HAUS4: variants seen among roughly 807,000 people sequenced by gnomAD.
HAUS4 encodes HAUS augmin like complex subunit 4.
Under a neutral mutation model 50.6 loss-of-function variants are expected in HAUS4, and 34 were observed. That is an observed-to-expected ratio of 0.67 (90% CI 0.51 to 0.90). HAUS4 has a LOEUF of 0.90. HAUS4 is among the 40% of genes least tolerant of loss of function. HAUS4 has a pLI of 0.00. For missense variants in HAUS4, 370 were observed against 428.7 expected, an observed-to-expected ratio of 0.86 and a Z score of 1.21; for synonymous variants, 149 against 161.4, an observed-to-expected ratio of 0.92 and a Z score of 0.58.
At chr14:22,956,494 C>A (rs188190888) in intron 1 of HAUS4, among the ~76,000 whole-genome samples, 2 of 151,706 alleles carry the variant, frequency 1.3e-5, no homozygotes, top group East Asian at 3.9e-4. Context: ...GTTCGTCCCC[C>A]CCTAGGGTAA....
At chr14:22,956,462 C>A (rs971241410) in intron 1 of HAUS4, among the ~76,000 whole-genome samples, 1 of 152,148 alleles carries the variant, frequency 6.6e-6, no homozygotes, top group Non-Finnish European at 1.5e-5. Flanking sequence ...TGAAGACCAA[C>A]CCAAATTCCA....
intron 2 of HAUS4, 41 bp downstream of exon 2, chr14:22,955,059 C>T: frequency 7.0e-7 from 1 of 1,425,564 alleles, no homozygotes. Context: ...TAAGACCTCT[C>T]TGGATAAATC....
intron 6 of HAUS4, among the ~76,000 whole-genome samples, chr14:22,948,639 A>C (rs919326002): frequency 2.4e-4 from 37 of 151,564 alleles, no homozygotes; most frequent in Non-Finnish European, 4.9e-4. Flanking sequence ...AGGTTCAACC[A>C]ATTCTCCTGC....
At position 22,948,776 on chromosome 14, in the gene HAUS4, C is replaced by T. The variant is rs867437200; in HGVS notation, c.563-763G>A. Among the ~76,000 whole-genome samples, 3 of 152,168 alleles carry T rather than the reference C, an allele frequency of 2.0e-5. 1 individual carries two copies. In the Middle Eastern group the frequency reaches 0.01, roughly 518 times the overall value. ...GGTCTCGAACGCCTGACCTCATGAT[C>T]CACCTGCCTCGGCCTCCCAAAGTGA... On this transcript the variant is annotated intron_variant, in intron 6 of 9. Coordinates refer to ENST00000541587, the MANE Select transcript of HAUS4 (RefSeq NM_001166269.2).
At chr14:22,956,492 C>G (rs1060865) in intron 1 of HAUS4, among the ~76,000 whole-genome samples, 1 of 151,704 alleles carries the variant, frequency 6.6e-6, no homozygotes, top group Admixed American at 6.5e-5. Flanking sequence ...CTGTTCGTCC[C>G]CCCCTAGGGT....
chr14:22,949,835 G>A (rs576373635), intron 6 of HAUS4, among the ~76,000 whole-genome samples: 56 of 151,872 alleles, frequency 3.7e-4, no homozygotes, highest in Non-Finnish European at 7.5e-4. Flanking sequence ...TCCTTACAAA[G>A]GTCCTTGTTT....
At chr14:22,946,780 AC>A (rs1016136738) in intron 9 of HAUS4, 72 bp from the exon 10 acceptor site, 3 of 1,013,256 alleles carry the variant, frequency 3.0e-6, no homozygotes, top group Non-Finnish European at 4.1e-6. Context: ...AAAATGAAAA[AC>A]TTTTTTTTTT....
In HAUS4 at chr14:22,951,705, T is replaced by C; in HGVS notation, c.331-16A>G. The stretch of plus-strand genomic sequence containing the variant: ...TCTCATGAAACTGAGAGAGAGAGAA[T>C]AAAAAACAAAAAGAGGCAACTATAA... On this transcript the variant is annotated splice_polypyrimidine_tract_variant and intron_variant, in intron 4 of 9. Coordinates refer to ENST00000541587, the MANE Select transcript of HAUS4 (RefSeq NM_001166269.2). The C allele has an allele frequency of 1.3e-6, 2 of 1,575,446 alleles. No individual in the cohort carries two copies. The highest frequency in any genetic ancestry group is 1.7e-6 in the Non-Finnish European group (2 of 1,163,208).
intron 8 of HAUS4, 146 bp from the exon 9 acceptor site, chr14:22,947,385 A>G (rs577011565): frequency 5.4e-6 from 4 of 736,666 alleles, no homozygotes; most frequent in Non-Finnish European, 9.4e-6. Flanking sequence ...CGAGCAATTG[A>G]TCTCACAGTA....
chr14:22,954,413 G>A (rs1317228619), intron 2 of HAUS4: 1 of 152,192 alleles, frequency 6.6e-6, no homozygotes, highest in African/African-American at 2.4e-5. Context: ...AAGGATCTGA[G>A]ATATGGAAAG....
In HAUS4 at chr14:22,946,379, G is replaced by A. The variant is rs1048836663; in HGVS notation, c.*146C>T. ...TAAAAAATAAAGAGAAACCAGGAGA[G>A]TGCCTAAATGACTGCAGTGTTTCAA... On this transcript the variant is annotated 3_prime_UTR_variant, in exon 10 of 10. Transcript: ENST00000541587. 6 of 504,090 alleles carry A rather than the reference G, an allele frequency of 1.2e-5. No individual in the cohort carries two copies. The highest frequency in any genetic ancestry group is 1.1e-4 in the Admixed American group (3 of 27,554). 31.2% of individuals were successfully genotyped at this position (504,090 alleles called of 1,614,324 possible).
intron 5 of HAUS4, 77 bp downstream of exon 5, chr14:22,951,478 T>C (rs746562319): frequency 6.6e-7 from 1 of 1,520,176 alleles, no homozygotes; most frequent in South Asian, 1.2e-5. Flanking sequence ...CAATAAAGCT[T>C]GACAAAAAAA....
At chr14:22,951,764 A>G in intron 4 of HAUS4, 75 bp from the exon 5 acceptor site, 2 of 1,400,882 alleles carry the variant, frequency 1.4e-6, no homozygotes, top group South Asian at 2.6e-5. Flanking sequence ...CATCCTTATG[A>G]ACCAGTTTTT....
chr14:22,954,173 T>C (rs1566648406), intron 2 of HAUS4, among the ~76,000 whole-genome samples: 1 of 152,216 alleles, frequency 6.6e-6, no homozygotes, highest in Non-Finnish European at 1.5e-5. Flanking sequence ...TCCTCTGGTT[T>C]TTCCATATGC....
intron 6 of HAUS4, chr14:22,948,294 T>A: frequency 2.9e-6 from 1 of 350,678 alleles, no homozygotes. Flanking sequence ...ATAAAAAAAA[T>A]TCTAAAATAT....
Position 22,947,441 on chromosome 14 carries a change from T to G in HAUS4, c.839+160A>C, listed in dbSNP as rs531937041. The G allele has an allele frequency of 3.7e-6, 3 of 816,004 alleles. No individual in the cohort carries two copies. The African/African-American group carries it at 5.2e-5, about 14-fold the overall frequency. The allele number at this position is 816,004 out of a possible 1,614,324, so 50.5% of individuals were successfully genotyped here. On this transcript the variant is annotated intron_variant, in intron 8 of 9. Coordinates refer to ENST00000541587, the MANE Select transcript of HAUS4 (RefSeq NM_001166269.2). ...TGTAAAAGAAAAGTCTCAAGGATGT[T>G]GAAAGCTTTTGGGTAATCCAAAAGC...
At chr14:22,946,756 G>T in intron 9 of HAUS4, 48 bp from the exon 10 acceptor site, 3 of 1,148,546 alleles carry the variant, frequency 2.6e-6, no homozygotes, top group Non-Finnish European at 3.7e-6. Flanking sequence ...CTGCTCCTCA[G>T]AAAGTAGTGG....
At position 22,946,522 on chromosome 14, in the gene HAUS4, A is replaced by C; in HGVS notation, c.*3T>G. On this transcript the variant is annotated 3_prime_UTR_variant, in exon 10 of 10. Transcript: ENST00000541587. Reference sequence around the variant, plus strand: ...AAGCCATGTCTCCTGGCCCTGCCAGAGCTCAACGGTAGACCTTGCTGAACT... The same window carrying C: ...AAGCCATGTCTCCTGGCCCTGCCAGCGCTCAACGGTAGACCTTGCTGAACT... The C allele has an allele frequency of 1.2e-6, 2 of 1,610,584 alleles. No homozygotes were observed. The highest frequency in any genetic ancestry group is 1.7e-6 in the Non-Finnish European group (2 of 1,177,896).
chr14:22,956,582 A>C (rs2044869535), intron 1 of HAUS4, among the ~76,000 whole-genome samples: 1 of 152,082 alleles, frequency 6.6e-6, no homozygotes, highest in South Asian at 2.1e-4. Flanking sequence ...ATCAGGCTCG[A>C]TTCTCCACCC....
Sources: gnomAD v4.1 joint callset for allele counts (sites outside exome capture counted in the v4.1 genomes callset) on GRCh38, gnomAD v4.1.1 for gene constraint, MANE v1.5 for transcripts, NCBI Gene and HGNC (gene_info 2026-07-23, HGNC 2026-07-21) for gene names.